Variants in OXR1 observed in about 807,000 individuals in gnomAD.
OXR1 encodes oxidation resistance 1.
Under a neutral mutation model 104.6 loss-of-function variants are expected in OXR1, and 41 were observed. That is an observed-to-expected ratio of 0.39 (90% CI 0.31 to 0.51). The LOEUF is 0.51. Among genes scored for constraint, OXR1 ranks in the 20% least tolerant of loss-of-function variants. The pLI, the probability that OXR1 is intolerant of heterozygous loss-of-function variation, is 0.77. For synonymous variants in OXR1, 348 were observed against 348.4 expected, an observed-to-expected ratio of 1.00 and a Z score of 0.01; for missense variants, 955 against 1,031.9, an observed-to-expected ratio of 0.93 and a Z score of 1.02.
intron 2 of OXR1, among the ~76,000 whole-genome samples, chr8:106,450,924 G>T (rs1030569359): frequency 6.6e-6 from 1 of 152,048 alleles, no homozygotes; most frequent in Non-Finnish European, 1.5e-5. Flanking sequence ...AAGCAAATTT[G>T]CTAATTTTGT....
chr8:106,344,551 A>T (rs1335717026), intron 1 of OXR1, among the ~76,000 whole-genome samples: 2 of 152,040 alleles, frequency 1.3e-5, no homozygotes, highest in African/African-American at 4.8e-5. Context: ...TTTAGCCAGG[A>T]TGGTCTTGAT....
chr8:106,383,969 C>G (rs1397981464), intron 2 of OXR1, among the ~76,000 whole-genome samples: 1 of 152,140 alleles, frequency 6.6e-6, no homozygotes, highest in East Asian at 1.9e-4. Flanking sequence ...AGCCTCTATA[C>G]CTATTACAAA....
intron 2 of OXR1, among the ~76,000 whole-genome samples, chr8:106,394,644 T>C (rs549596480): frequency 6.6e-6 from 1 of 152,260 alleles, no homozygotes; most frequent in South Asian, 2.1e-4. Flanking sequence ...GGATGACTCT[T>C]AAATATATTT....
intron 3 of OXR1, among the ~76,000 whole-genome samples, chr8:106,651,251 T>C (rs553177659): frequency 6.6e-6 from 1 of 152,362 alleles, no homozygotes; most frequent in African/African-American, 2.4e-5. Flanking sequence ...ATGGTATTTA[T>C]TGGCAGATAT....
chr8:106,634,664 TC>T (rs1822984472), intron 3 of OXR1, among the ~76,000 whole-genome samples: 1 of 152,078 alleles, frequency 6.6e-6, no homozygotes, highest in South Asian at 2.1e-4. Context: ...AATAAATTAT[TC>T]CCAAAAAAGA....
chr8:106,384,829 C>T (rs2130425078), intron 2 of OXR1, among the ~76,000 whole-genome samples: 1 of 151,456 alleles, frequency 6.6e-6, no homozygotes, highest in South Asian at 2.1e-4. Flanking sequence ...ATTCTCCTGC[C>T]TCAGCCTCCT....
chr8:106,464,790 A>G (rs374509786), intron 2 of OXR1, among the ~76,000 whole-genome samples: 61 of 152,166 alleles, frequency 4.0e-4, no homozygotes, highest in African/African-American at 1.5e-3. Context: ...AGCACGAAGC[A>G]TATCTCGGGC....
At chr8:106,558,330 C>G (rs1157869259) in intron 3 of OXR1, among the ~76,000 whole-genome samples, 3 of 152,210 alleles carry the variant, frequency 2.0e-5, no homozygotes, top group Non-Finnish European at 4.4e-5. Context: ...ATTCTATGAG[C>G]TGGCAATTCC....
intron 3 of OXR1, among the ~76,000 whole-genome samples, chr8:106,643,091 AT>A (rs1823793642): frequency 6.6e-6 from 1 of 152,168 alleles, no homozygotes; most frequent in Non-Finnish European, 1.5e-5. Flanking sequence ...ACAGAGGCAA[AT>A]TTATGGTTGA....
intron 11 of OXR1, chr8:106,729,971 G>A (rs1833724632): frequency 6.6e-6 from 1 of 151,732 alleles, no homozygotes. Context: ...CACTAATGTA[G>A]CTGCATCTGT....
intron 2 of OXR1, among the ~76,000 whole-genome samples, chr8:106,413,197 T>C (rs1409917457): frequency 6.6e-6 from 1 of 152,140 alleles, no homozygotes; most frequent in African/African-American, 2.4e-5. Flanking sequence ...TAAGCTCTTC[T>C]GTGATATTTT....
At chr8:106,711,214 G>T (rs968473577) in intron 10 of OXR1, among the ~76,000 whole-genome samples, 1 of 151,706 alleles carries the variant, frequency 6.6e-6, no homozygotes, top group Non-Finnish European at 1.5e-5. Context: ...CAATATTTGT[G>T]TGTACCCTTT....
intron 2 of OXR1, among the ~76,000 whole-genome samples, chr8:106,426,904 A>AT (rs941275486): frequency 6.6e-6 from 1 of 152,198 alleles, no homozygotes; most frequent in African/African-American, 2.4e-5. Context: ...GCATCAGGAA[A>AT]TTTGTTAGAA....
intron 2 of OXR1, among the ~76,000 whole-genome samples, chr8:106,360,711 T>C (rs1230706724): frequency 6.6e-6 from 1 of 152,074 alleles, no homozygotes; most frequent in Non-Finnish European, 1.5e-5. Context: ...TACTGCACAG[T>C]ATGTTTTCTT....
intron 2 of OXR1, among the ~76,000 whole-genome samples, chr8:106,400,824 T>C (rs1817968904): frequency 6.6e-6 from 1 of 152,150 alleles, no homozygotes; most frequent in Non-Finnish European, 1.5e-5. Context: ...ACAATTCTGC[T>C]GGGTAGATTA....
At chr8:106,698,110 C>G in intron 7 of OXR1, 7 of 750,458 alleles carry the variant, frequency 9.3e-6, no homozygotes, top group Non-Finnish European at 1.6e-5. Flanking sequence ...CTTCTTCTTA[C>G]ATGCTTATTT....
chr8:106,557,596 A>T (rs936017735), intron 3 of OXR1, among the ~76,000 whole-genome samples: 1 of 151,164 alleles, frequency 6.6e-6, no homozygotes, highest in African/African-American at 2.4e-5. Flanking sequence ...AGGCAACTCA[A>T]TTTTTTTTTC....
chr8:106,564,847 A>G (rs1016245932), intron 3 of OXR1, among the ~76,000 whole-genome samples: 5 of 152,328 alleles, frequency 3.3e-5, no homozygotes, highest in Middle Eastern at 3.4e-3. Context: ...CAATAAATGT[A>G]ATCCATCACA....
intron 3 of OXR1, among the ~76,000 whole-genome samples, chr8:106,526,038 C>A (rs1371502600): frequency 6.6e-6 from 1 of 152,096 alleles, no homozygotes; most frequent in African/African-American, 2.4e-5. Context: ...TGCTTATATT[C>A]TAGTTGGGAA....
Sources: allele counts gnomAD v4.1 joint callset (sites outside exome capture counted in the v4.1 genomes callset), GRCh38; gene constraint gnomAD v4.1.1; transcripts MANE v1.5; gene names NCBI Gene and HGNC (gene_info 2026-07-23, HGNC 2026-07-21).